HVCN1: variants seen among roughly 807,000 people sequenced by gnomAD.
The protein encoded by HVCN1 is voltage-gated hydrogen channel 1.
HVCN1 carries 14 observed loss-of-function variants against 29.2 expected under a neutral mutation model. That is an observed-to-expected ratio of 0.48 (90% CI 0.32 to 0.75). The LOEUF (loss-of-function observed/expected upper bound fraction) is 0.75, where lower values mean the gene tolerates loss of function less well. Ranked by LOEUF, HVCN1 falls within the 30% of genes least tolerant of loss-of-function variation. HVCN1 has a pLI of 0.04. For missense variants in HVCN1, 263 were observed against 341.8 expected (o/e 0.77, Z 1.82); for synonymous variants, 131 against 133.2 (o/e 0.98, Z 0.11).
At chr12:110,652,748 A>G (rs2067855256) in intron 5 of HVCN1, among the ~76,000 whole-genome samples, 2 of 152,182 alleles carry the variant, frequency 1.3e-5, no homozygotes, top group Non-Finnish European at 2.9e-5. Context: ...AAGACAGAAA[A>G]TCACCATTTT....
At chr12:110,657,575 T>TTAAATAAATGTGTTAAA (rs1344697018) in intron 4 of HVCN1, among the ~76,000 whole-genome samples, 2 of 151,652 alleles carry the variant, frequency 1.3e-5, no homozygotes, top group African/African-American at 2.4e-5. Context: ...TGTGAATGTG[T>TTAAATAAATGTGTTAAA]TAAATAAATG....
rs186291856 is a variant in HVCN1 at position 110,687,059 on chromosome 12, A to G, written c.-20+1566T>C. ...GAAAAAATGCTGTCAAGCAGTGAGA[A>G]GAAAAATAGGCTGATGGCTGACACA... On this transcript the variant is annotated intron_variant, in intron 2 of 7. Transcript: ENST00000242607. 2.2e-4 allele frequency among the ~76,000 whole-genome samples: 33 copies of G among 152,312 alleles called. No homozygotes were observed. In the East Asian group the frequency reaches 6.2e-3, roughly 28 times the overall value.
At chr12:110,654,165 T>G (rs1309490899) in intron 5 of HVCN1, among the ~76,000 whole-genome samples, 1 of 152,126 alleles carries the variant, frequency 6.6e-6, no homozygotes, top group Non-Finnish European at 1.5e-5. Flanking sequence ...CCAAGTGCAG[T>G]GTCGCACGCC....
At chr12:110,698,299 C>G (rs2069523836) in intron 2 of HVCN1, among the ~76,000 whole-genome samples, 2 of 152,238 alleles carry the variant, frequency 1.3e-5, no homozygotes, top group African/African-American at 4.8e-5. Context: ...TATGCCCAGC[C>G]TTTCCTGTCT....
chr12:110,692,891 G>T (rs547211125), upstream of HVCN1, among the ~76,000 whole-genome samples: 9 of 152,130 alleles, frequency 5.9e-5, no homozygotes, highest in African/African-American at 2.2e-4. Flanking sequence ...TTAGAGACAG[G>T]GTCTCACTTT....
At chr12:110,701,916 C>CAACAACAACAACAAA (rs532906104) in intron 2 of HVCN1, among the ~76,000 whole-genome samples, 5 of 150,908 alleles carry the variant, frequency 3.3e-5, no homozygotes, top group African/African-American at 1.2e-4. Flanking sequence ...ACAACAACAA[C>CAACAACAACAACAAA]AAAACACACA....
Position 110,661,173 on chromosome 12 carries a change from G to A in HVCN1, c.297C>T (p.His99=). ...CTCCTGCCCCACCTACCTGAAACCT[G>A]TGGGAGCTGAACAGTTTCCTCAACA... ...RGMLRKLFSS[H]RFQVIIICLV... Residue 99 remains histidine (H), a synonymous_variant, in exon 4 of 8, where the codon CAC becomes CAT. Coordinates refer to ENST00000242607, the MANE Select transcript of HVCN1 (RefSeq NM_032369.4). The surrounding 1 kb of genome is among the most constrained non-coding windows in gnomAD (Gnocchi z 6.2). 1 of 1,602,252 alleles carries A rather than the reference G, an allele frequency of 6.2e-7. No homozygotes were observed. The highest frequency in any genetic ancestry group is 8.5e-7 in the Non-Finnish European group (1 of 1,171,934).
At chr12:110,655,599 T>C (rs2067962721) in intron 4 of HVCN1, among the ~76,000 whole-genome samples, 1 of 152,192 alleles carries the variant, frequency 6.6e-6, no homozygotes, top group Admixed American at 6.5e-5. Context: ...CCACCTTCCC[T>C]GCCCTCCCAG....
chr12:110,673,054 G>A (rs1305021748), intron 3 of HVCN1, among the ~76,000 whole-genome samples: 1 of 152,190 alleles, frequency 6.6e-6, no homozygotes, highest in South Asian at 2.1e-4. Context: ...GCAGAGTCTG[G>A]AATAGTTTGG....
intron 4 of HVCN1, among the ~76,000 whole-genome samples, chr12:110,660,240 G>C (rs1050995008): frequency 1.3e-5 from 2 of 152,220 alleles, no homozygotes; most frequent in Non-Finnish European, 2.9e-5. Context: ...GCCAGGCGTG[G>C]TGGCAGGCGC....
In HVCN1 at chr12:110,687,253, C is replaced by CCA. The variant is rs1200061779; in HGVS notation, c.-20+1370_-20+1371dup. On this transcript the variant is annotated intron_variant, in intron 2 of 7. Transcript: ENST00000242607. ...GAAGCAAGGAAATATACAAGACAGA[C>CCA]CACACCCCCCCCCCCCAGCTAAGCA... Among the ~76,000 whole-genome samples, 331 of 131,992 alleles carry CCA rather than the reference C, an allele frequency of 2.5e-3. 4 individuals carry two copies. Among genetic ancestry groups the CCA allele is most frequent in the African/African-American group, 9.5e-3 (306 of 32,238 alleles). The allele number at this position is 131,992 out of a possible 152,430, so 86.6% of individuals were successfully genotyped here.
chr12:110,666,176 T>C (rs1209010177), intron 3 of HVCN1, among the ~76,000 whole-genome samples: 1 of 152,056 alleles, frequency 6.6e-6, no homozygotes, highest in Admixed American at 6.6e-5. Flanking sequence ...CCCAGCACTT[T>C]GGGAGGCTGA....
At chr12:110,692,947 C>A (rs568522073), upstream of HVCN1, among the ~76,000 whole-genome samples, 5 of 152,264 alleles carry the variant, frequency 3.3e-5, no homozygotes, top group Admixed American at 2.0e-4. Context: ...CTCACTGCAG[C>A]CTCAAACTCC....
At chr12:110,692,784 C>A (rs2069431082), upstream of HVCN1, among the ~76,000 whole-genome samples, 1 of 152,104 alleles carries the variant, frequency 6.6e-6, no homozygotes, top group African/African-American at 2.4e-5. Context: ...CTGAGGTCCA[C>A]AGAAAGAATC....
intron 3 of HVCN1, among the ~76,000 whole-genome samples, chr12:110,670,944 C>A (rs534376669): frequency 6.6e-6 from 1 of 152,276 alleles, no homozygotes; most frequent in African/African-American, 2.4e-5. Context: ...GTAATCCCAG[C>A]ACTTTGGGAG....
chr12:110,667,474 A>G (rs2068411256), intron 3 of HVCN1, among the ~76,000 whole-genome samples: 2 of 151,998 alleles, frequency 1.3e-5, no homozygotes. Context: ...TCTGTCACCC[A>G]GGCTGGACTG....
chr12:110,671,742 G>A (rs1019432420), intron 3 of HVCN1, among the ~76,000 whole-genome samples: 1 of 152,206 alleles, frequency 6.6e-6, no homozygotes, highest in South Asian at 2.1e-4. Context: ...GAGAAAGCCC[G>A]ATTCTGCAGC....
intron 2 of HVCN1, 81 bp from the exon 3 acceptor site, chr12:110,683,345 C>T: frequency 6.8e-7 from 1 of 1,473,712 alleles, no homozygotes; most frequent in Non-Finnish European, 9.1e-7. Flanking sequence ...TCCTTTCTTA[C>T]AAATTAGTTT....
rs574189409 is a variant in HVCN1 at position 110,665,505 on chromosome 12, G to A, written c.22-4057C>T. 8.8e-4 allele frequency among the ~76,000 whole-genome samples: 133 copies of A among 150,378 alleles called. 1 individual carries two copies. The highest frequency in any genetic ancestry group is 1.5e-3 in the Non-Finnish European group (99 of 67,850). ...TGGGAAGCAGAGGTTGTGGTGAGCC[G>A]AGATCATGCCATTGCACTCCAGCCT... On this transcript the variant is annotated intron_variant, in intron 3 of 7. Coordinates refer to ENST00000242607, the MANE Select transcript of HVCN1 (RefSeq NM_032369.4).
Sources: allele counts gnomAD v4.1 joint callset (sites outside exome capture counted in the v4.1 genomes callset), GRCh38; gene constraint gnomAD v4.1.1; non-coding constraint Gnocchi (gnomAD v3.1); transcripts MANE v1.5; gene names NCBI Gene and HGNC (gene_info 2026-07-23, HGNC 2026-07-21).